The following FRAS1 variants were observed in gnomAD, a reference collection of about 807,000 sequenced individuals.
FRAS1 encodes the protein extracellular matrix organizing protein FRAS1.
In FRAS1, 290 loss-of-function variants were observed where a neutral mutation model predicts 435.2. That is an observed-to-expected ratio of 0.67 (90% CI 0.61 to 0.73). The LOEUF (loss-of-function observed/expected upper bound fraction) is 0.73. Among genes scored for constraint, FRAS1 ranks in the 30% least tolerant of loss-of-function variants. The pLI is 0.00. For synonymous variants in FRAS1, 1,800 were observed against 1,851.0 expected (o/e 0.97, Z 0.71); for missense variants, 4,860 against 5,001.5 (o/e 0.97, Z 0.85).
chr4:78,068,503 AG>A, intron 2 of FRAS1: 1 of 456,182 alleles, frequency 2.2e-6, no homozygotes, highest in South Asian at 1.5e-5. Flanking sequence ...GGAGGATGGC[AG>A]GGGTCAGAGC....
intron 1 of FRAS1, among the ~76,000 whole-genome samples, chr4:78,059,670 C>T (rs1739659588): frequency 2.0e-5 from 3 of 151,954 alleles, no homozygotes; most frequent in Admixed American, 6.6e-5. Context: ...AGGAAACGTG[C>T]TATCACTCCC....
chr4:78,267,041 T>A, intron 8 of FRAS1, 106 bp downstream of exon 8: 1 of 963,990 alleles, frequency 1.0e-6, no homozygotes, highest in Non-Finnish European at 1.6e-6. Flanking sequence ...AGTTTTATAA[T>A]GTTTGCAAAG....
intron 2 of FRAS1, among the ~76,000 whole-genome samples, chr4:78,171,669 C>T (rs1042673404): frequency 2.6e-5 from 4 of 152,148 alleles, no homozygotes; most frequent in African/African-American, 4.8e-5. Context: ...TTTGCCTAGC[C>T]TGTGAGTGTC....
chr4:78,431,804 C>T (rs534722828), intron 37 of FRAS1, among the ~76,000 whole-genome samples: 9 of 151,906 alleles, frequency 5.9e-5, no homozygotes, highest in Non-Finnish European at 1.0e-4. Flanking sequence ...TACATAATGC[C>T]GATCAAATTT....
At chr4:78,060,765 A>G (rs2055493) in intron 1 of FRAS1, among the ~76,000 whole-genome samples, 36,811 of 152,204 alleles carry the variant, frequency 0.24, 4,800 homozygotes, top group East Asian at 0.35. Context: ...TTGGCTAATC[A>G]TCAAACATAG....
chr4:78,459,988 G>A (rs1248316660), intron 47 of FRAS1, among the ~76,000 whole-genome samples: 1 of 152,156 alleles, frequency 6.6e-6, no homozygotes, highest in Non-Finnish European at 1.5e-5. Flanking sequence ...AAATACTGGG[G>A]CTTGGGACTT....
Position 78,281,389 on chromosome 4 carries a change from T to C in FRAS1, c.1072-9T>C. ...GTGGCATAATAAAGACATTTCTCTT[T>C]GTTCCTAGATGTCATCAAATGCTAG... On this transcript the variant is annotated splice_polypyrimidine_tract_variant and intron_variant, in intron 10 of 73. Transcript: ENST00000512123. The C allele has an allele frequency of 5.1e-6, 8 of 1,561,678 alleles. No homozygotes were observed. The highest frequency in any genetic ancestry group is 6.9e-6 in the Non-Finnish European group (8 of 1,152,984).
intron 2 of FRAS1, among the ~76,000 whole-genome samples, chr4:78,209,340 T>G (rs899355698): frequency 6.6e-5 from 10 of 152,082 alleles, no homozygotes; most frequent in African/African-American, 2.4e-4. Context: ...GTGGGCCCCT[T>G]CCCTTCTGGC....
At chr4:78,100,376 A>ACAGT (rs1291564111) in intron 2 of FRAS1, among the ~76,000 whole-genome samples, 1 of 152,216 alleles carries the variant, frequency 6.6e-6, no homozygotes, top group Non-Finnish European at 1.5e-5. Flanking sequence ...AGGCCAAGAA[A>ACAGT]CAGTCAGTGG....
chr4:78,438,276 G>A (rs1380540179), intron 38 of FRAS1, among the ~76,000 whole-genome samples: 4 of 151,982 alleles, frequency 2.6e-5, no homozygotes, highest in Admixed American at 1.3e-4. Flanking sequence ...TGGCTTTTAT[G>A]GTATTGATAA....
intron 2 of FRAS1, among the ~76,000 whole-genome samples, chr4:78,127,149 G>A (rs1719406302): frequency 7.0e-6 from 1 of 142,050 alleles, no homozygotes; most frequent in Non-Finnish European, 1.5e-5. Context: ...AAGACAATGG[G>A]TAAGGAATGG....
chr4:78,261,944 C>T (rs917762752), intron 6 of FRAS1, among the ~76,000 whole-genome samples: 3 of 152,142 alleles, frequency 2.0e-5, no homozygotes, highest in African/African-American at 7.2e-5. Flanking sequence ...TCAGAGTTTT[C>T]TCCCAAGTTC....
At chr4:78,249,798 T>C (rs1725447716) in intron 4 of FRAS1, among the ~76,000 whole-genome samples, 1 of 152,160 alleles carries the variant, frequency 6.6e-6, no homozygotes, top group African/African-American at 2.4e-5. Context: ...CTTTGGTGAT[T>C]GGCAGGCTGT....
intron 20 of FRAS1, among the ~76,000 whole-genome samples, chr4:78,341,671 G>A (rs908889279): frequency 1.3e-5 from 2 of 152,146 alleles, no homozygotes; most frequent in African/African-American, 4.8e-5. Context: ...GCCCTGGGGG[G>A]TAAGGGAGAA....
At chr4:78,514,033 A>T (rs902015522) in intron 65 of FRAS1, among the ~76,000 whole-genome samples, 42 of 152,300 alleles carry the variant, frequency 2.8e-4, no homozygotes, top group Middle Eastern at 3.4e-3. Context: ...GGGTTACAAG[A>T]TGTTTATTAG....
At chr4:78,406,809 G>T (rs1733115120) in intron 30 of FRAS1, among the ~76,000 whole-genome samples, 1 of 152,150 alleles carries the variant, frequency 6.6e-6, no homozygotes, top group Non-Finnish European at 1.5e-5. Flanking sequence ...AGGGTATAGT[G>T]GGGTGCCTGC....
intron 2 of FRAS1, among the ~76,000 whole-genome samples, chr4:78,175,352 G>GTGTGCCCC (rs1721722761): frequency 6.6e-6 from 1 of 152,130 alleles, no homozygotes; most frequent in African/African-American, 2.4e-5. Context: ...GAGTTTCTCT[G>GTGTGCCCC]GGTGGCAACA....
At chr4:78,108,760 T>A in intron 2 of FRAS1, among the ~76,000 whole-genome samples, 1 of 95,382 alleles carries the variant, frequency 1.0e-5, no homozygotes, top group African/African-American at 4.6e-5. Flanking sequence ...AGAGCAGAAC[T>A]GAAGGAAATA....
chr4:78,317,467 G>T lies in FRAS1; in HGVS notation c.1919G>T (p.Arg640Leu). 4 of 1,613,760 alleles carry T rather than the reference G, an allele frequency of 2.5e-6. No individual in the cohort carries two copies. The highest frequency in any genetic ancestry group is 3.4e-6 in the Non-Finnish European group (4 of 1,179,820). Reference protein sequence around the residue: ...KALRQGHCLPRCGEGFYSDHG... With the variant: ...KALRQGHCLPLCGEGFYSDHG... ...CTGCGTCAAGGCCACTGTCTGCCCC[G>T]CTGTGGAGAGGGTTTCTACTCTGAC... The change falls in exon 17 of 74, where the codon CGC (arginine) becomes CTC (leucine). Residue 640 changes from arginine to leucine, a missense_variant. Arg to Leu is a moderately radical substitution (Grantham distance 102, BLOSUM62 -2). Transcript: ENST00000512123.
Sources: allele counts gnomAD v4.1 joint callset (sites outside exome capture counted in the v4.1 genomes callset), GRCh38; gene constraint gnomAD v4.1.1; transcripts MANE v1.5; gene names NCBI Gene and HGNC (gene_info 2026-07-23, HGNC 2026-07-21).